Variants in ARL17B observed in about 807,000 individuals in gnomAD.
The protein encoded by ARL17B is ARF like GTPase 17B.
In ARL17B at chr17:46,274,783, CT is replaced by C. The variant is rs66460964; in HGVS notation, c.*656del. 5.4e-3 allele frequency: 790 copies of C among 145,160 alleles called. 3 individuals carry two copies. Among genetic ancestry groups the C allele is most frequent in the African/African-American group, 0.012 (462 of 39,434 alleles). 9.0% of individuals were successfully genotyped at this position (145,160 alleles called of 1,614,324 possible). A position where few individuals can be genotyped will look rare whatever the true frequency, so the allele number is the denominator to read the frequency against. ...TATCATTGTTTCTTGCTTTCTTTTT[CT>C]TTTTTTTTTTTAATAAACAAAATTT... On this transcript the variant is annotated 3_prime_UTR_variant, in exon 5 of 5. Coordinates refer to the ARL17B transcript ENST00000570618.
chr17:46,316,273 C>T, intron 3 of ARL17B, among the ~76,000 whole-genome samples: 1 of 17,116 alleles, frequency 5.8e-5, no homozygotes, highest in East Asian at 7.5e-4. Context: ...CCTTATAGGG[C>T]AGGTCTTCTA....
At chr17:46,280,025 T>G (rs1201608891) in intron 4 of ARL17B, among the ~76,000 whole-genome samples, 1 of 152,212 alleles carries the variant, frequency 6.6e-6, no homozygotes, top group Admixed American at 6.5e-5. Flanking sequence ...TCACCTTGAG[T>G]CAGAGTAATT....
At chr17:46,332,504 A>G (rs201858633), downstream of ARL17B, 11 of 1,261,200 alleles carry the variant, frequency 8.7e-6, no homozygotes, top group African/African-American at 1.9e-4. Flanking sequence ...TGGGGTTTTG[A>G]ATAGTTAGCT....
intron 4 of ARL17B, among the ~76,000 whole-genome samples, chr17:46,283,847 G>C (rs1279039105): frequency 4.6e-5 from 7 of 152,218 alleles, no homozygotes; most frequent in Admixed American, 3.9e-4. Context: ...GGATAATAGT[G>C]GAGAGAAGGT....
At chr17:46,282,677 T>G (rs867997357) in intron 4 of ARL17B, among the ~76,000 whole-genome samples, 266 of 138,640 alleles carry the variant, frequency 1.9e-3, no homozygotes, top group Middle Eastern at 4.3e-3. Context: ...CCCACTCGGC[T>G]TCCCAAAGTA....
intron 4 of ARL17B, among the ~76,000 whole-genome samples, chr17:46,289,971 G>C (rs1054472883): frequency 2.4e-4 from 37 of 152,168 alleles, no homozygotes; most frequent in African/African-American, 8.9e-4. Context: ...ATACAAAAAT[G>C]AGCCAGGTGT....
At chr17:46,279,931 G>T (rs17588637) in intron 4 of ARL17B, among the ~76,000 whole-genome samples, 21,731 of 151,974 alleles carry the variant, frequency 0.14, 1,882 homozygotes, top group Non-Finnish European at 0.22. Flanking sequence ...ATGAGTCATT[G>T]TCTTGCCCTA....
chr17:46,292,098 G>A (rs1181720052), intron 4 of ARL17B, among the ~76,000 whole-genome samples: 1 of 143,098 alleles, frequency 7.0e-6, no homozygotes, highest in East Asian at 2.0e-4. Context: ...TTGAGAGGCT[G>A]AGGAGGGAGG....
chr17:46,291,445 A>T (rs3095129), intron 4 of ARL17B, among the ~76,000 whole-genome samples: 5 of 152,124 alleles, frequency 3.3e-5, no homozygotes, highest in Non-Finnish European at 7.3e-5. Flanking sequence ...ACTAACAGTA[A>T]GAGTTTCTCG....
At chr17:46,281,446 G>A (rs374242426) in intron 4 of ARL17B, among the ~76,000 whole-genome samples, 8,820 of 134,590 alleles carry the variant, frequency 0.066, no homozygotes, top group Non-Finnish European at 0.11. Context: ...CTGGAGAGCG[G>A]TGGTGTAATC....
chr17:46,276,781 T>C (rs2143297383), intron 4 of ARL17B, among the ~76,000 whole-genome samples: 1 of 151,340 alleles, frequency 6.6e-6, no homozygotes, highest in South Asian at 2.1e-4. Context: ...GTAATTTTTT[T>C]CTTTTTTTCT....
intron 4 of ARL17B, among the ~76,000 whole-genome samples, chr17:46,278,394 T>G (rs1212547175): frequency 4.9e-5 from 7 of 143,220 alleles, no homozygotes; most frequent in Admixed American, 2.8e-4. Flanking sequence ...CTGTTTTGTT[T>G]TATTTTGTTT....
intron 4 of ARL17B, among the ~76,000 whole-genome samples, chr17:46,276,576 T>C (rs1391232636): frequency 2.0e-5 from 3 of 152,158 alleles, no homozygotes; most frequent in Non-Finnish European, 4.4e-5. Flanking sequence ...AGTGCAGTAA[T>C]GAAAACAATG....
intron 4 of ARL17B, among the ~76,000 whole-genome samples, chr17:46,277,253 G>A (rs1598060327): frequency 2.0e-5 from 3 of 152,152 alleles, no homozygotes; most frequent in Admixed American, 1.3e-4. Flanking sequence ...TACACTATGC[G>A]GGCCCAGCCT....
In ARL17B at chr17:46,324,887, T is replaced by C. The variant is rs1389375155; in HGVS notation, c.260-25222A>G. ...ATGTACGTGTATATATGTATATGTA[T>C]GCCTGCAGGGCCCTATTGTGAGTTT... On this transcript the variant is annotated intron_variant, in intron 3 of 4. Transcript: ENST00000434041. Among the ~76,000 whole-genome samples, 2 of 76,396 alleles carry C rather than the reference T, an allele frequency of 2.6e-5. 1 individual carries two copies. The highest frequency in any genetic ancestry group is 7.7e-5 in the Non-Finnish European group (2 of 25,906). The allele number at this position is 76,396 out of a possible 152,430, so 50.1% of individuals were successfully genotyped here.
chr17:46,275,924 T>C (rs2049574411), intron 4 of ARL17B, among the ~76,000 whole-genome samples: 1 of 152,110 alleles, frequency 6.6e-6, no homozygotes, highest in Non-Finnish European at 1.5e-5. Context: ...GAAGTCTCGC[T>C]TTTGTCCCCA....
downstream of ARL17B, among the ~76,000 whole-genome samples, chr17:46,332,289 A>T (rs1048543301): frequency 9.7e-5 from 6 of 61,790 alleles, no homozygotes; most frequent in African/African-American, 5.3e-4. Context: ...GCCTGTCTCC[A>T]CAAAAAATAA....
chr17:46,276,664 A>C (rs975528781), intron 4 of ARL17B, among the ~76,000 whole-genome samples: 1 of 152,252 alleles, frequency 6.6e-6, no homozygotes, highest in Admixed American at 6.5e-5. Flanking sequence ...AATAAAATCA[A>C]GTTTCAATAA....
At chr17:46,280,535 GA>G (rs1336070510) in intron 4 of ARL17B, among the ~76,000 whole-genome samples, 8 of 142,064 alleles carry the variant, frequency 5.6e-5, no homozygotes, top group Admixed American at 2.9e-4. Context: ...TTATTAAAAA[GA>G]AAAAAATTTG....
Sources: allele counts gnomAD v4.1 joint callset (sites outside exome capture counted in the v4.1 genomes callset), GRCh38; gene constraint gnomAD v4.1.1; transcripts MANE v1.5; gene names NCBI Gene and HGNC (gene_info 2026-07-23, HGNC 2026-07-21).